Variants in STOML1 observed in about 807,000 individuals in gnomAD.
STOML1 encodes stomatin like 1, also known as stomatin-like protein 1.
Under a neutral mutation model 35.7 loss-of-function variants are expected in STOML1, and 27 were observed. The observed-to-expected ratio is 0.76, with a 90% CI of 0.56 to 1.04. STOML1 has a LOEUF of 1.04. STOML1 is among the 50% of genes least tolerant of loss of function. STOML1 has a pLI of 0.00. For missense variants in STOML1, 451 were observed against 527.1 expected, an observed-to-expected ratio of 0.86 and a Z score of 1.41; for synonymous variants, 219 against 227.9, an observed-to-expected ratio of 0.96 and a Z score of 0.35.
At chr15:73,984,946 T>C in intron 5 of STOML1, 75 bp from the exon 6 acceptor site, 1 of 1,536,932 alleles carries the variant, frequency 6.5e-7, no homozygotes, top group Non-Finnish European at 8.9e-7. Flanking sequence ...GACCACTCAC[T>C]GTGGCCTCTG....
chr15:73,984,300 T>G (rs1443183731), intron 6 of STOML1, among the ~76,000 whole-genome samples, 170 bp from the exon 7 acceptor site: 2 of 152,246 alleles, frequency 1.3e-5, no homozygotes, highest in Non-Finnish European at 2.9e-5. Context: ...TCTTGGATCC[T>G]CAGTTTCCAA....
At chr15:73,990,892 C>G in intron 1 of STOML1, 1 of 1,534,892 alleles carries the variant, frequency 6.5e-7, no homozygotes, top group Non-Finnish European at 8.7e-7. Context: ...CCTCCTATAC[C>G]ATCAGCCCCA....
rs2069201513 is a variant in STOML1, at chr15:73,989,589, G to C, written c.241-332C>G. Among the ~76,000 whole-genome samples the C allele has an allele frequency of 2.0e-5, 3 of 152,262 alleles. No individual in the cohort carries two copies. The South Asian group carries it at 6.2e-4, about 32-fold the overall frequency. The stretch of plus-strand genomic sequence containing the variant: ...TAGACATGACTCATACCAGGAAACT[G>C]TCTGTCCTTGGATTAGTTAGGAGAA... On this transcript the variant is annotated intron_variant, in intron 2 of 6. Transcript: ENST00000541638.
chr15:73,988,512 T>G lies in STOML1; in HGVS notation c.594+87A>C, dbSNP rs2069162019. On this transcript the variant is annotated intron_variant, in intron 4 of 6. Transcript: ENST00000541638. The surrounding 1 kb of genome is among the most constrained non-coding windows in gnomAD (Gnocchi z 4.8). ...ACATATGGTAAACTGAGGCCCAGAG[T>G]GGTCTGACTCTTTTCTCAAAGTGAC... 2 of 1,485,478 alleles carry G rather than the reference T, an allele frequency of 1.3e-6. No homozygotes were observed. The highest frequency in any genetic ancestry group is 1.9e-5 in the Admixed American group (1 of 52,512). The allele number at this position is 1,485,478 out of a possible 1,614,324, so 92.0% of individuals were successfully genotyped here.
chr15:73,984,541 T>C, intron 6 of STOML1, 118 bp downstream of exon 6: 1 of 1,227,566 alleles, frequency 8.1e-7, no homozygotes, highest in Non-Finnish European at 1.1e-6. Context: ...CTGCCTGCCA[T>C]GGGTTCACCC....
intron 2 of STOML1, 88 bp downstream of exon 2, chr15:73,990,262 AG>A (rs1177072685): frequency 1.2e-5 from 14 of 1,125,048 alleles, no homozygotes; most frequent in Non-Finnish European, 1.7e-5. Context: ...ATTTAGGGAA[AG>A]GGGACAGAGG....
At chr15:73,994,525 G>A (rs1026207854), upstream of STOML1, 1 of 520,426 alleles carries the variant, frequency 1.9e-6, no homozygotes, top group East Asian at 3.3e-5. Context: ...CCCCCCTGCA[G>A]CTCTGCCCTA....
At position 73,983,732 on chromosome 15, in the gene STOML1, C is replaced by A; in HGVS notation, c.*205G>T. ...CAGCTGGGGACCGGGATGGACAAAG[C>A]CTTGTCCAGAGAACCACTGTAGGGG... On this transcript the variant is annotated 3_prime_UTR_variant, in exon 7 of 7. Transcript: ENST00000541638. The A allele has an allele frequency of 1.8e-6, 1 of 556,706 alleles. No homozygotes were observed. The highest frequency in any genetic ancestry group is 3.1e-6 in the Non-Finnish European group (1 of 320,178). The allele number at this position is 556,706 out of a possible 1,614,324, so 34.5% of individuals were successfully genotyped here.
intron 4 of STOML1, chr15:73,987,842 G>A (rs143455542): frequency 6.6e-6 from 1 of 152,366 alleles, no homozygotes; most frequent in African/African-American, 2.4e-5. Flanking sequence ...TATTTCCTCA[G>A]GAATTTCCCC....
Position 73,983,881 on chromosome 15 carries a change from C to T in STOML1, c.*56G>A, listed in dbSNP as rs536301277. 1 of 1,543,780 alleles carries T rather than the reference C, an allele frequency of 6.5e-7. No homozygotes were observed. Among genetic ancestry groups the T allele is most frequent in the Non-Finnish European group, 8.8e-7 (1 of 1,142,074 alleles). Reference sequence around the variant, plus strand: ...GATGAACACCTCCTCCTCCAAGAGGCCCCTCAGGCTTGGTGCCAGGCTTGG... The same window carrying T: ...GATGAACACCTCCTCCTCCAAGAGGTCCCTCAGGCTTGGTGCCAGGCTTGG... On this transcript the variant is annotated 3_prime_UTR_variant, in exon 7 of 7. Transcript: ENST00000541638.
intron 1 of STOML1, chr15:73,990,719 C>T: frequency 7.7e-7 from 1 of 1,305,112 alleles, no homozygotes; most frequent in African/African-American, 1.5e-5. Flanking sequence ...AGGCAACAGC[C>T]ATTCAATCTC....
rs370324303 is a variant in STOML1 at position 73,988,653 on chromosome 15, C to T, written c.540G>A (p.Lys180=). The T allele has an allele frequency of 1.9e-6, 3 of 1,614,122 alleles. No individual in the cohort carries two copies. Among genetic ancestry groups the T allele is most frequent in the South Asian group, 2.2e-5 (2 of 91,088 alleles). ...CCATCTGGATCTCCCGCAGCGGCCT[C>T]TTGAGCAGGGCCTTGGTCATGGCGT... The part of the protein sequence containing the change: ...AQNAMTKALL[K]RPLREIQMEK... The change falls in exon 4 of 7, where the codon AAG becomes AAA. Residue 180 remains lysine (K), a synonymous_variant. Coordinates refer to ENST00000541638, the MANE Select transcript of STOML1 (RefSeq NM_004809.5). This position sits in a 1 kb window ranked among gnomAD's most constrained non-coding sequence, Gnocchi z 4.8.
Position 73,983,753 on chromosome 15 carries a change from A to AG in STOML1, c.*183dup. ...AAAGCCTTGTCCAGAGAACCACTGT[A>AG]GGGGAGACGTGCATGGCAGCCGGAC... On this transcript the variant is annotated 3_prime_UTR_variant, in exon 7 of 7. Coordinates refer to ENST00000541638, the MANE Select transcript of STOML1 (RefSeq NM_004809.5). 1.6e-6 allele frequency: 1 copy of AG among 630,996 alleles called. No homozygotes were observed. The highest frequency in any genetic ancestry group is 2.7e-6 in the Non-Finnish European group (1 of 370,528). 39.1% of individuals were successfully genotyped at this position (630,996 alleles called of 1,614,324 possible).
chr15:73,994,482 C>A (rs2069376679), upstream of STOML1: 3 of 422,786 alleles, frequency 7.1e-6, no homozygotes, highest in Admixed American at 3.7e-5. Flanking sequence ...CCAGTGTGAA[C>A]GGATGAATGG....
In STOML1 at chr15:73,981,438, T is replaced by C. The variant is rs1010168528; in HGVS notation, c.*2499A>G. The C allele has an allele frequency of 6.6e-6, 1 of 152,220 alleles. No individual in the cohort carries two copies. Among genetic ancestry groups the C allele is most frequent in the African/African-American group, 2.4e-5 (1 of 41,454 alleles). 9.4% of individuals were successfully genotyped at this position (152,220 alleles called of 1,614,324 possible). ...AACTAGGATACTTAAACTATTATCATTATTCACCAGGTTATCTTGAAGAAA... is the reference window on the plus strand; with the variant it reads ...AACTAGGATACTTAAACTATTATCACTATTCACCAGGTTATCTTGAAGAAA... On this transcript the variant is annotated 3_prime_UTR_variant, in exon 7 of 7. Transcript: ENST00000541638.
upstream of STOML1, chr15:73,992,479 C>T: frequency 3.0e-6 from 1 of 331,146 alleles, no homozygotes; most frequent in South Asian, 1.0e-4. Flanking sequence ...CTGGGGTCAT[C>T]GCCTCCTCCC....
chr15:73,979,651 C>T lies in STOML1; in HGVS notation c.*4286G>A, dbSNP rs368290874. 1.3e-5 allele frequency: 2 copies of T among 152,224 alleles called. No individual in the cohort carries two copies. Among genetic ancestry groups the T allele is most frequent in the Non-Finnish European group, 2.9e-5 (2 of 68,056 alleles). The allele number at this position is 152,224 out of a possible 1,614,324, so 9.4% of individuals were successfully genotyped here. A position where few individuals can be genotyped will look rare whatever the true frequency, so the allele number is the denominator to read the frequency against. On this transcript the variant is annotated 3_prime_UTR_variant, in exon 7 of 7. Coordinates refer to ENST00000541638, the MANE Select transcript of STOML1 (RefSeq NM_004809.5). ...AGAGGCGCAAGCCAGCCAAATAATA[C>T]ATTTTAAAAGGGTGTTTGTTGTATG...
Position 73,990,519 on chromosome 15 carries a change from T to C in STOML1, c.134-62A>G, listed in dbSNP as rs564922210. The C allele has an allele frequency of 3.0e-4, 446 of 1,491,500 alleles. 3 individuals carry two copies. The African/African-American group carries it at 5.7e-3, about 19-fold the overall frequency. 92.4% of individuals were successfully genotyped at this position (1,491,500 alleles called of 1,614,324 possible). ...ACGACAGCTGCCAAGCGGAGTGAAC[T>C]TGGGCAAGTGTACCTTACGCCCACC... On this transcript the variant is annotated intron_variant, in intron 1 of 6. Transcript: ENST00000541638.
rs2069029658 is a variant in STOML1, at chr15:73,984,664, G to A, written c.998C>T (p.Thr333Ile). The A allele has an allele frequency of 6.2e-7, 1 of 1,614,070 alleles. No homozygotes were observed. The highest frequency in any genetic ancestry group is 8.5e-7 in the Non-Finnish European group (1 of 1,179,980). ...GGCAAGGAGGGCAGCGGCACCTGTA[G>A]TGAGGTCCAGGAAGTAGGCGCTTTG... is the stretch of plus-strand genomic sequence containing the variant. The part of the protein sequence containing the change: ...GTQSAYFLDL[T>I]TGRGRVGHGV... The change falls in exon 6 of 7, where the codon ACT (threonine) becomes ATT (isoleucine). Residue 333 changes from threonine to isoleucine, a missense_variant. By Grantham distance (89) the Thr-to-Ile change is moderately conservative. Coordinates refer to ENST00000541638, the MANE Select transcript of STOML1 (RefSeq NM_004809.5).
Sources: allele counts gnomAD v4.1 joint callset (sites outside exome capture counted in the v4.1 genomes callset), GRCh38; gene constraint gnomAD v4.1.1; non-coding constraint Gnocchi (gnomAD v3.1); transcripts MANE v1.5; gene names NCBI Gene and HGNC (gene_info 2026-07-23, HGNC 2026-07-21).